Variants in ADAM18 observed in about 807,000 individuals in gnomAD.
ADAM18 encodes disintegrin and metalloproteinase domain-containing protein 18.
ADAM18 carries 117 observed loss-of-function variants against 94.4 expected under a neutral mutation model. The ratio of observed to expected loss-of-function variants is 1.24; its 90% CI spans 1.07 to 1.45. The LOEUF is 1.45. ADAM18 is among the 40% of genes most tolerant of loss of function. ADAM18 has a pLI of 0.00. For synonymous variants in ADAM18, 327 were observed against 291.6 expected (o/e 1.12, Z -1.24); for missense variants, 936 against 880.0 (o/e 1.06, Z -0.81).
intron 2 of ADAM18, among the ~76,000 whole-genome samples, chr8:39,604,138 C>G (rs975683291): frequency 6.6e-6 from 1 of 152,186 alleles, no homozygotes; most frequent in East Asian, 1.9e-4. Flanking sequence ...GCTTCTCTGC[C>G]AGGCTCTTAC....
At chr8:39,637,440 A>G in intron 8 of ADAM18, 97 bp from the exon 9 acceptor site, 2 of 1,382,156 alleles carry the variant, frequency 1.4e-6, no homozygotes, top group Non-Finnish European at 2.0e-6. Context: ...TATTAGTTTA[A>G]TACTGAAAAT....
intron 19 of ADAM18, among the ~76,000 whole-genome samples, chr8:39,729,097 G>C (rs1236907495): frequency 2.0e-5 from 3 of 152,076 alleles, no homozygotes; most frequent in Non-Finnish European, 2.9e-5. Flanking sequence ...CTGTGGTTTT[G>C]ATTTGCATTT....
intron 11 of ADAM18, among the ~76,000 whole-genome samples, chr8:39,647,465 C>T (rs1269666742): frequency 1.3e-5 from 2 of 152,242 alleles, no homozygotes; most frequent in African/African-American, 2.4e-5. Context: ...GGTTTTATAC[C>T]GAGACATTCA....
At chr8:39,622,853 G>A (rs765238848) in intron 6 of ADAM18, among the ~76,000 whole-genome samples, 1 of 151,956 alleles carries the variant, frequency 6.6e-6, no homozygotes, top group Non-Finnish European at 1.5e-5. Flanking sequence ...AGTTTTCCAG[G>A]TTACCAGTCT....
intron 18 of ADAM18, among the ~76,000 whole-genome samples, chr8:39,718,918 T>A (rs892508090): frequency 6.6e-6 from 1 of 151,426 alleles, no homozygotes; most frequent in East Asian, 1.9e-4. Context: ...CAGAAATCTC[T>A]AAATTTGTTT....
chr8:39,638,372 T>G lies in ADAM18; in HGVS notation c.828-93T>G, dbSNP rs1355978317. On this transcript the variant is annotated intron_variant, in intron 9 of 19. Transcript: ENST00000265707. ...AAGCTTTATATATTTGCAAAGTCAT[T>G]TTTAAAATTTTATGTGAAGAAGGTT... 1.9e-5 allele frequency: 15 copies of G among 791,954 alleles called. No homozygotes were observed. The East Asian group carries it at 4.2e-4, about 22-fold the overall frequency. 49.1% of individuals were successfully genotyped at this position (791,954 alleles called of 1,614,324 possible). A position where few individuals can be genotyped will look rare whatever the true frequency, so the allele number is the denominator to read the frequency against.
At chr8:39,729,874 T>C in intron 19 of ADAM18, 24 bp from the exon 20 acceptor site, 1 of 1,605,894 alleles carries the variant, frequency 6.2e-7, no homozygotes, top group Non-Finnish European at 8.5e-7. Flanking sequence ...GAATTTCTAT[T>C]TTTTCTGTTT....
chr8:39,657,638 G>A (rs1032756139), intron 12 of ADAM18, among the ~76,000 whole-genome samples: 1 of 152,122 alleles, frequency 6.6e-6, no homozygotes, highest in African/African-American at 2.4e-5. Context: ...AGGGGTTAAA[G>A]GGAACATCTC....
chr8:39,637,347 C>A lies in ADAM18; in HGVS notation c.660+12C>A, dbSNP rs777168528. 2 of 1,585,876 alleles carry A rather than the reference C, an allele frequency of 1.3e-6. No homozygotes were observed. On this transcript the variant is annotated intron_variant, in intron 8 of 19. Transcript: ENST00000265707. Reference sequence around the variant, plus strand: ...GGCTTGTCAACACTGTAAGTTTTTACTTTTTCACATTTCCATTTTCATGAA... The same window carrying A: ...GGCTTGTCAACACTGTAAGTTTTTAATTTTTCACATTTCCATTTTCATGAA...
intron 17 of ADAM18, among the ~76,000 whole-genome samples, chr8:39,705,192 C>T (rs1217008544): frequency 6.6e-6 from 1 of 152,002 alleles, no homozygotes; most frequent in East Asian, 1.9e-4. Context: ...GTAAGGTTAT[C>T]TTTTGTGTGT....
chr8:39,653,884 A>G (rs1585943435), intron 12 of ADAM18, among the ~76,000 whole-genome samples: 1 of 152,136 alleles, frequency 6.6e-6, no homozygotes, highest in East Asian at 1.9e-4. Flanking sequence ...ATTTTAAACT[A>G]TAATTTACTT....
intron 18 of ADAM18, among the ~76,000 whole-genome samples, chr8:39,711,346 A>G (rs1044197411): frequency 2.0e-5 from 3 of 152,178 alleles, no homozygotes; most frequent in African/African-American, 7.2e-5. Context: ...TTCAACAACA[A>G]TGAAAATTCA....
chr8:39,610,626 C>A lies in ADAM18; in HGVS notation c.442C>A (p.Pro148Thr). 3 of 1,612,786 alleles carry A rather than the reference C, an allele frequency of 1.9e-6. No individual in the cohort carries two copies. Among genetic ancestry groups the A allele is most frequent in the Admixed American group, 1.7e-5 (1 of 59,926 alleles). ...HIIYQMKNNDPNVSILAVNYS... is the reference protein window; with the variant it reads ...HIIYQMKNNDTNVSILAVNYS... ...AATTTATCAAATGAAAAATAATGAT[C>A]CAAATGTATCCATTTTAGCAGTAAA... The change falls in exon 6 of 20, where the codon CCA becomes ACA. Residue 148 changes from proline (P) to threonine (T), a missense_variant. Pro to Thr is a conservative substitution (Grantham distance 38). Transcript: ENST00000265707.
intron 10 of ADAM18, among the ~76,000 whole-genome samples, chr8:39,640,963 G>C (rs941333847): frequency 4.6e-5 from 7 of 151,878 alleles, no homozygotes; most frequent in African/African-American, 1.7e-4. Flanking sequence ...CTCCCATTCT[G>C]TAGGTTGTCT....
chr8:39,637,341 T>G lies in ADAM18; in HGVS notation c.660+6T>G. 6.3e-7 allele frequency: 1 copy of G among 1,590,228 alleles called. No homozygotes were observed. The highest frequency in any genetic ancestry group is 1.4e-5 in the African/African-American group (1 of 73,608). On this transcript the variant is annotated splice_donor_region_variant and intron_variant, in intron 8 of 19. Coordinates refer to ENST00000265707, the MANE Select transcript of ADAM18 (RefSeq NM_014237.3). ...TTATTGGGCTTGTCAACACTGTAAG[T>G]TTTTACTTTTTCACATTTCCATTTT...
chr8:39,645,629 G>A (rs1465292408), intron 11 of ADAM18, among the ~76,000 whole-genome samples, 155 bp downstream of exon 11: 1 of 152,036 alleles, frequency 6.6e-6, no homozygotes, highest in East Asian at 1.9e-4. Flanking sequence ...TGTATACTTA[G>A]GGATATATAC....
At chr8:39,709,287 C>T (rs1374793347) in intron 18 of ADAM18, among the ~76,000 whole-genome samples, 1 of 152,148 alleles carries the variant, frequency 6.6e-6, no homozygotes, top group Non-Finnish European at 1.5e-5. Context: ...GTTATGCCAT[C>T]AAGCTGTCCT....
In ADAM18 at chr8:39,637,288, A is replaced by T; in HGVS notation, c.613A>T (p.Met205Leu). 2 of 1,606,820 alleles carry T rather than the reference A, an allele frequency of 1.2e-6. No individual in the cohort carries two copies. Among genetic ancestry groups the T allele is most frequent in the Non-Finnish European group, 1.7e-6 (2 of 1,176,382 alleles). ...ALYDYMGSEM[M>L]AVTQKIVQVI... ...GTATGATTATATGGGATCTGAAATG[A>T]TGGCTGTAACACAAAAAATTGTCCA... Residue 205 changes from methionine (M) to leucine (L), a missense_variant, in exon 8 of 20, where the codon ATG becomes TTG. Coordinates refer to ENST00000265707, the MANE Select transcript of ADAM18 (RefSeq NM_014237.3).
chr8:39,678,991 G>A (rs928241520), intron 15 of ADAM18, among the ~76,000 whole-genome samples: 33 of 152,272 alleles, frequency 2.2e-4, no homozygotes, highest in African/African-American at 7.9e-4. Context: ...TACATACCAT[G>A]CAAGTCTGGT....
Sources: allele counts gnomAD v4.1 joint callset (sites outside exome capture counted in the v4.1 genomes callset), GRCh38; gene constraint gnomAD v4.1.1; transcripts MANE v1.5; gene names NCBI Gene and HGNC (gene_info 2026-07-23, HGNC 2026-07-21).